Variants in FHL1 observed in about 807,000 individuals in gnomAD.
The protein encoded by FHL1 is four and a half LIM domains 1, also known as four and a half LIM domains protein 1.
Under a neutral mutation model 20.3 loss-of-function variants are expected in FHL1, and 1 was observed. The observed-to-expected ratio is 0.05, with a 90% CI of 0.02 to 0.23. The LOEUF (loss-of-function observed/expected upper bound fraction) is 0.23, where lower values mean the gene tolerates loss of function less well. Ranked by LOEUF, FHL1 falls within the 10% of genes least tolerant of loss-of-function variation. The probability of loss-of-function intolerance (pLI) is 1.00; values close to 1 mark genes in which losing one functional copy is unlikely to be tolerated. For missense variants in FHL1, 177 were observed against 234.0 expected, an observed-to-expected ratio of 0.76 and a Z score of 1.59; for synonymous variants, 82 against 88.9, an observed-to-expected ratio of 0.92 and a Z score of 0.44.
chrX:136,209,747 G>T, intron 5 of FHL1, 124 bp from the exon 6 acceptor site: 1 of 822,179 alleles, frequency 1.2e-6, no homozygotes, highest in Middle Eastern at 4.3e-4. Flanking sequence ...CCTGGCTCTT[G>T]CGTGCTTGTC....
At chrX:136,152,846 T>G (rs942539791) in intron 1 of FHL1, among the ~76,000 whole-genome samples, 4 of 110,925 alleles carry the variant, frequency 3.6e-5, no homozygotes, top group African/African-American at 9.9e-5. Context: ...GAATTCTACC[T>G]GGAATTTGTT....
intron 2 of FHL1, among the ~76,000 whole-genome samples, chrX:136,190,945 A>G (rs954674409): frequency 1.3e-4 from 14 of 111,311 alleles, no homozygotes; most frequent in African/African-American, 4.6e-4. Flanking sequence ...CATTTTTATG[A>G]AGCTGGAGAC....
At chrX:136,181,970 T>C (rs1264687980) in intron 2 of FHL1, among the ~76,000 whole-genome samples, 3 of 112,281 alleles carry the variant, frequency 2.7e-5, no homozygotes, top group African/African-American at 9.7e-5. Context: ...TTTTGAACAG[T>C]ACACAAATGT....
At chrX:136,163,310 T>C (rs909872180) in intron 1 of FHL1, among the ~76,000 whole-genome samples, 17 of 112,563 alleles carry the variant, frequency 1.5e-4, no homozygotes, top group African/African-American at 5.2e-4. Flanking sequence ...ATTCTCTAGC[T>C]GCAATGAACG....
chrX:136,209,098 T>C, intron 5 of FHL1: 1 of 512,283 alleles, frequency 2.0e-6, no homozygotes, highest in Non-Finnish European at 3.1e-6. Context: ...GTTTATTTGT[T>C]TTTGCGATCA....
At chrX:136,146,810 C>A (rs938377143), upstream of FHL1, 6 of 327,690 alleles carry the variant, frequency 1.8e-5, no homozygotes, top group Admixed American at 6.2e-5. Flanking sequence ...GCTTTGCCAT[C>A]GGTGCTTTCT....
intron 2 of FHL1, among the ~76,000 whole-genome samples, chrX:136,183,055 C>T (rs1361477070): frequency 5.6e-5 from 6 of 106,476 alleles, no homozygotes; most frequent in African/African-American, 2.1e-4. Context: ...CAAGATTGCG[C>T]CACTGCACTC....
At chrX:136,147,335 C>CCGCGCG (rs778088020), upstream of FHL1, 9 of 86,906 alleles carry the variant, frequency 1.0e-4, no homozygotes, top group South Asian at 6.3e-4. Context: ...CGGCCGTCTC[C>CCGCGCG]CGCGCGCGCG....
upstream of FHL1, among the ~76,000 whole-genome samples, chrX:136,166,042 GT>G (rs956812526): frequency 2.7e-5 from 3 of 111,905 alleles, no homozygotes; most frequent in Admixed American, 9.5e-5. Context: ...GTGCTGTTTT[GT>G]TTTTATTCTT....
chrX:136,147,336 C>CGCGCGCGG (rs1491509185), upstream of FHL1: 1 of 311 alleles, frequency 3.2e-3, no homozygotes, highest in Non-Finnish European at 8.2e-3. Context: ...GGCCGTCTCC[C>CGCGCGCGG]GCGCGCGCGC....
intron 1 of FHL1, among the ~76,000 whole-genome samples, chrX:136,159,137 C>CT (rs1390685292): frequency 5.7e-5 from 2 of 35,314 alleles, no homozygotes; most frequent in African/African-American, 1.4e-4. Flanking sequence ...CCTAAAACTG[C>CT]TAAAAAAAAA....
At chrX:136,181,128 C>T (rs774184388) in intron 2 of FHL1, among the ~76,000 whole-genome samples, 1 of 112,193 alleles carries the variant, frequency 8.9e-6, no homozygotes, top group Non-Finnish European at 1.9e-5. Flanking sequence ...CCATCAAAGT[C>T]GGGGTAGTAT....
At chrX:136,169,762 T>C in intron 1 of FHL1, 1 of 330,079 alleles carries the variant, frequency 3.0e-6, no homozygotes, top group Non-Finnish European at 5.9e-6. Context: ...CAGTTTTCCT[T>C]TAACTCTAAG....
intron 2 of FHL1, among the ~76,000 whole-genome samples, chrX:136,184,100 C>T (rs2073229379): frequency 9.0e-6 from 1 of 111,708 alleles, no homozygotes; most frequent in East Asian, 2.8e-4. Flanking sequence ...TATTGTTTTC[C>T]TGTGTGTTCT....
intron 1 of FHL1, among the ~76,000 whole-genome samples, chrX:136,163,560 T>C (rs919928467): frequency 4.5e-5 from 5 of 111,570 alleles, no homozygotes; most frequent in African/African-American, 1.3e-4. Flanking sequence ...GAAATGAAAT[T>C]ATAAGGAAGA....
At chrX:136,204,978 C>T (rs756894651) in intron 1 of FHL1, 1 of 112,456 alleles carries the variant, frequency 8.9e-6, no homozygotes, top group South Asian at 3.7e-4. Context: ...TTCTCTCATT[C>T]TTTCTCTCTA....
chrX:136,190,000 G>T (rs1039504008), intron 2 of FHL1, among the ~76,000 whole-genome samples: 1 of 111,709 alleles, frequency 9.0e-6, no homozygotes, highest in African/African-American at 3.3e-5. Context: ...GAATTTCATT[G>T]AATGCAATAG....
chrX:136,204,884 C>T (rs754525029), intron 1 of FHL1: 1 of 112,077 alleles, frequency 8.9e-6, no homozygotes, highest in East Asian at 2.8e-4. Flanking sequence ...TAAAAAAAAC[C>T]TGGGAATGGA....
chrX:136,208,512 G>T lies in FHL1; in HGVS notation c.607G>T (p.Val203Leu), dbSNP rs1300278653. The T allele has an allele frequency of 3.3e-6, 4 of 1,211,861 alleles. No homozygotes were observed. The highest frequency in any genetic ancestry group is 4.5e-6 in the Non-Finnish European group (4 of 895,512). The change falls in exon 5 of 6, where the codon GTG becomes TTG. Residue 203 changes from valine (V) to leucine (L), a missense_variant. Transcript: ENST00000370683. The stretch of plus-strand genomic sequence containing the variant: ...TCAGCCCTGGCATGCCGATTGCTTT[G>T]TGTGTGTTACCTGCTCTAAGAAGCT... ...QDQPWHADCFVCVTCSKKLAG... is the reference protein window; with the variant it reads ...QDQPWHADCFLCVTCSKKLAG...
Sources: gnomAD v4.1 joint callset for allele counts (sites outside exome capture counted in the v4.1 genomes callset) on GRCh38, gnomAD v4.1.1 for gene constraint, MANE v1.5 for transcripts, NCBI Gene and HGNC (gene_info 2026-07-23, HGNC 2026-07-21) for gene names.